The following FSTL5 variants were observed in gnomAD, a reference collection of about 807,000 sequenced individuals.
FSTL5 encodes follistatin like 5.
FSTL5 carries 62 observed loss-of-function variants against 89.1 expected under a neutral mutation model. The ratio of observed to expected loss-of-function variants is 0.70; its 90% CI spans 0.57 to 0.86. The LOEUF is 0.86. Among genes scored for constraint, FSTL5 ranks in the 40% least tolerant of loss-of-function variants. FSTL5 has a pLI of 0.00. For missense variants in FSTL5, 1,057 were observed against 1,001.6 expected, an observed-to-expected ratio of 1.06 and a Z score of -0.75; for synonymous variants, 383 against 346.2, an observed-to-expected ratio of 1.11 and a Z score of -1.18.
chr4:162,064,047 T>C (rs979012740), intron 2 of FSTL5, among the ~76,000 whole-genome samples: 9 of 151,990 alleles, frequency 5.9e-5, no homozygotes, highest in Admixed American at 3.9e-4. Flanking sequence ...ACATTTTTTT[T>C]CTATCTTCTC....
At chr4:162,071,262 A>C (rs977046551) in intron 2 of FSTL5, among the ~76,000 whole-genome samples, 1 of 151,670 alleles carries the variant, frequency 6.6e-6, no homozygotes, top group Non-Finnish European at 1.5e-5. Flanking sequence ...TTCTCTTCCC[A>C]AAAAGACACT....
At chr4:161,894,427 T>C (rs984506915) in intron 4 of FSTL5, among the ~76,000 whole-genome samples, 1 of 152,198 alleles carries the variant, frequency 6.6e-6, no homozygotes, top group Admixed American at 6.5e-5. Context: ...GTTGGTCATT[T>C]CTATGGGTTG....
intron 2 of FSTL5, among the ~76,000 whole-genome samples, chr4:162,073,007 A>C (rs1729691498): frequency 6.6e-6 from 1 of 151,772 alleles, no homozygotes; most frequent in South Asian, 2.1e-4. Context: ...TTGGGTCTCA[A>C]GCAAGCCAGC....
chr4:161,523,190 T>C (rs963842913), intron 10 of FSTL5, among the ~76,000 whole-genome samples: 12 of 152,158 alleles, frequency 7.9e-5, no homozygotes, highest in Non-Finnish European at 1.0e-4. Context: ...AAATAGGGTA[T>C]AGTTAGATAA....
chr4:162,127,425 C>G lies in FSTL5; in HGVS notation c.-16-16013G>C, dbSNP rs1732125868. On this transcript the variant is annotated intron_variant, in intron 1 of 15. Transcript: ENST00000306100. ...CTATAATTCATCTGTATCTATTAGA[C>G]CTGCAAGGATGAATCAAACATTAAC... Among the ~76,000 whole-genome samples the G allele has an allele frequency of 5.9e-5, 9 of 152,296 alleles. No individual in the cohort carries two copies. The South Asian group carries it at 1.9e-3, about 32-fold the overall frequency.
At chr4:161,999,822 T>C (rs1167054312) in intron 3 of FSTL5, among the ~76,000 whole-genome samples, 2 of 152,224 alleles carry the variant, frequency 1.3e-5, no homozygotes, top group Non-Finnish European at 2.9e-5. Context: ...CATGCTTCCT[T>C]GGACAATTCA....
chr4:161,656,111 T>C (rs996407776), intron 7 of FSTL5, among the ~76,000 whole-genome samples: 1 of 152,248 alleles, frequency 6.6e-6, no homozygotes, highest in Middle Eastern at 3.4e-3. Context: ...CACCAATACA[T>C]TGCCACACAA....
intron 4 of FSTL5, among the ~76,000 whole-genome samples, chr4:161,872,373 A>G (rs1273778002): frequency 6.6e-6 from 1 of 152,130 alleles, no homozygotes; most frequent in East Asian, 1.9e-4. Flanking sequence ...AATAAAATAT[A>G]TTGAGTTTTA....
chr4:162,037,542 A>T (rs1162134860), intron 2 of FSTL5, among the ~76,000 whole-genome samples: 1 of 151,914 alleles, frequency 6.6e-6, no homozygotes, highest in Non-Finnish European at 1.5e-5. Context: ...TAGTTTACCT[A>T]TAGTTGAGTA....
At chr4:161,907,639 C>G (rs1480941939) in intron 4 of FSTL5, among the ~76,000 whole-genome samples, 3 of 152,068 alleles carry the variant, frequency 2.0e-5, no homozygotes, top group African/African-American at 7.2e-5. Flanking sequence ...GGTGCTGATA[C>G]TATCACTTAC....
intron 13 of FSTL5, among the ~76,000 whole-genome samples, chr4:161,463,774 T>A (rs925961004): frequency 5.3e-5 from 8 of 152,210 alleles, no homozygotes; most frequent in Admixed American, 3.3e-4. Context: ...GTTCTCCACA[T>A]GTTATGCAAA....
intron 6 of FSTL5, among the ~76,000 whole-genome samples, chr4:161,758,924 C>T (rs1025047559): frequency 2.6e-5 from 4 of 152,152 alleles, no homozygotes; most frequent in Non-Finnish European, 4.4e-5. Flanking sequence ...AGACACACTT[C>T]GGCAATTCAA....
intron 4 of FSTL5, among the ~76,000 whole-genome samples, chr4:161,821,567 T>A (rs1348246507): frequency 6.6e-6 from 1 of 152,102 alleles, no homozygotes; most frequent in Non-Finnish European, 1.5e-5. Context: ...TCCCTCACCC[T>A]CCTCCCACAC....
intron 4 of FSTL5, among the ~76,000 whole-genome samples, chr4:161,854,422 A>G (rs1168992188): frequency 6.6e-6 from 1 of 152,166 alleles, no homozygotes; most frequent in East Asian, 1.9e-4. Context: ...AAGTCCCTAC[A>G]TGATAATGCC....
chr4:161,602,269 G>C (rs1734276615), intron 7 of FSTL5, among the ~76,000 whole-genome samples: 1 of 150,770 alleles, frequency 6.6e-6, no homozygotes, highest in African/African-American at 2.4e-5. Context: ...GAGAGAGAGA[G>C]AGAGAGAGAG....
intron 2 of FSTL5, among the ~76,000 whole-genome samples, chr4:162,091,683 A>C (rs1388709104): frequency 6.6e-6 from 1 of 152,038 alleles, no homozygotes; most frequent in African/African-American, 2.4e-5. Context: ...ATGTAAGTAC[A>C]TATTGTTGCC....
At chr4:161,686,163 T>C (rs1451463072) in intron 6 of FSTL5, among the ~76,000 whole-genome samples, 1 of 151,090 alleles carries the variant, frequency 6.6e-6, no homozygotes, top group Non-Finnish European at 1.5e-5. Context: ...AGCTAGATTT[T>C]GTTAAAAATT....
intron 8 of FSTL5, among the ~76,000 whole-genome samples, chr4:161,578,981 T>C (rs1733334306): frequency 6.6e-6 from 1 of 152,168 alleles, no homozygotes. Flanking sequence ...TATTAAAGCA[T>C]GTTTATTAGA....
At chr4:162,158,554 T>C (rs1733573069) in intron 1 of FSTL5, among the ~76,000 whole-genome samples, 1 of 152,078 alleles carries the variant, frequency 6.6e-6, no homozygotes, top group Admixed American at 6.6e-5. Context: ...ATGATATAGC[T>C]AGTTACTGGA....
Sources: allele counts gnomAD v4.1 joint callset (sites outside exome capture counted in the v4.1 genomes callset), GRCh38; gene constraint gnomAD v4.1.1; transcripts MANE v1.5; gene names NCBI Gene and HGNC (gene_info 2026-07-23, HGNC 2026-07-21).